TDG: variants seen among roughly 807,000 people sequenced by gnomAD.
TDG encodes the protein G/T mismatch-specific thymine DNA glycosylase.
In TDG, 23 loss-of-function variants were observed where a neutral mutation model predicts 46.1. That is an observed-to-expected ratio of 0.50 (90% CI 0.36 to 0.71). The LOEUF (loss-of-function observed/expected upper bound fraction) is 0.71, where lower values mean the gene tolerates loss of function less well. Among genes scored for constraint, TDG ranks in the 30% least tolerant of loss-of-function variants. The probability of loss-of-function intolerance (pLI) is 0.00; values close to 1 mark genes in which losing one functional copy is unlikely to be tolerated. For synonymous variants in TDG, 115 were observed against 161.3 expected (o/e 0.71, Z 2.18); for missense variants, 304 against 486.7 (o/e 0.62, Z 3.53).
chr12:103,980,828 C>T, intron 3 of TDG, 65 bp from the exon 4 acceptor site: 1 of 1,462,310 alleles, frequency 6.8e-7, no homozygotes, highest in Non-Finnish European at 9.4e-7. Flanking sequence ...ACCACTCCTC[C>T]ATAGAAACGC....
intron 1 of TDG, among the ~76,000 whole-genome samples, chr12:103,970,906 TC>T (rs1871258877): frequency 6.6e-6 from 1 of 152,074 alleles, no homozygotes; most frequent in Non-Finnish European, 1.5e-5. Context: ...ATCTAAGAAT[TC>T]AACCAACTGT....
intron 1 of TDG, among the ~76,000 whole-genome samples, chr12:103,972,520 A>G (rs1284624042): frequency 2.0e-5 from 3 of 152,214 alleles, no homozygotes; most frequent in Non-Finnish European, 4.4e-5. Context: ...GTAATCCACC[A>G]TCTTTTATTC....
At chr12:103,984,320 G>A (rs1217358761) in intron 7 of TDG, among the ~76,000 whole-genome samples, 1 of 152,142 alleles carries the variant, frequency 6.6e-6, no homozygotes, top group African/African-American at 2.4e-5. Flanking sequence ...GAGGCCGGGC[G>A]TGGTGGCTCA....
intron 1 of TDG, among the ~76,000 whole-genome samples, chr12:103,967,569 G>T (rs4135045): frequency 0.043 from 6,440 of 148,212 alleles, 243 homozygotes; most frequent in South Asian, 0.094. Flanking sequence ...CGATTCTCCC[G>T]CTGCAGCCTC....
intron 1 of TDG, among the ~76,000 whole-genome samples, chr12:103,973,790 G>A (rs1431841609): frequency 2.6e-5 from 4 of 151,962 alleles, no homozygotes; most frequent in African/African-American, 9.7e-5. Flanking sequence ...ATACTATTTT[G>A]TATTCTTTTC....
At position 103,979,882 on chromosome 12, in the gene TDG, C is replaced by T. The variant is rs763764091; in HGVS notation, c.218C>T (p.Pro73Leu). The change falls in exon 3 of 10, where the codon CCA becomes CTA. Residue 73 changes from proline to leucine, a missense_variant. Transcript: ENST00000392872. ...RKPRTTEPKQ[P>L]VEPKKPVESK... ...CCCAGAACAACAGAACCAAAACAAC[C>T]AGTGGAACCCAAAAAACCTGTTGAG... is the stretch of plus-strand genomic sequence containing the variant. The T allele has an allele frequency of 3.7e-6, 6 of 1,603,750 alleles. No homozygotes were observed. In the South Asian group the frequency reaches 5.7e-5, roughly 15 times the overall value.
At chr12:103,967,456 CTTT>C (rs35778626) in intron 1 of TDG, among the ~76,000 whole-genome samples, 6 of 121,320 alleles carry the variant, frequency 4.9e-5, no homozygotes, top group African/African-American at 9.5e-5. Flanking sequence ...AATAAATTTA[CTTT>C]TTTTTTTTTT....
chr12:103,984,888 T>C lies in TDG; in HGVS notation c.932T>C (p.Val311Ala), dbSNP rs1447039787. ...GAACGAAATATGGACGTTCAAGAGGTGCAATATACATTTGACCTACAGCTT... is the reference window on the plus strand; with the variant it reads ...GAACGAAATATGGACGTTCAAGAGGCGCAATATACATTTGACCTACAGCTT... ...GIERNMDVQE[V>A]QYTFDLQLAQ... Residue 311 changes from valine (V) to alanine (A), a missense_variant, in exon 8 of 10, where the codon GTG becomes GCG. Physicochemically the swap from Val to Ala is moderately conservative, Grantham distance 64 (BLOSUM62 0). Coordinates refer to ENST00000392872, the MANE Select transcript of TDG (RefSeq NM_003211.6). 1.2e-6 allele frequency: 2 copies of C among 1,612,888 alleles called. No individual in the cohort carries two copies. The highest frequency in any genetic ancestry group is 1.3e-5 in the African/African-American group (1 of 74,938).
intron 1 of TDG, among the ~76,000 whole-genome samples, chr12:103,976,275 C>T (rs322110): frequency 0.14 from 20,925 of 151,860 alleles, 1,591 homozygotes; most frequent in Admixed American, 0.2. Flanking sequence ...CATTGGGGCT[C>T]GCTCCTGTAG....
At chr12:103,982,316 T>C (rs777994782) in intron 4 of TDG, among the ~76,000 whole-genome samples, 1 of 152,234 alleles carries the variant, frequency 6.6e-6, no homozygotes, top group African/African-American at 2.4e-5. Flanking sequence ...ATGTTGTTAG[T>C]CTAGTGCTGT....
chr12:103,982,866 A>G lies in TDG; in HGVS notation c.546A>G (p.Pro182=), dbSNP rs1291510766. 6.2e-7 allele frequency: 1 copy of G among 1,614,044 alleles called. No homozygotes were observed. The highest frequency in any genetic ancestry group is 8.5e-7 in the Non-Finnish European group (1 of 1,180,048). ...QLNHMDDHTL[P]GKYGIGFTNM... is the part of the protein sequence containing the mutation. ...ACCATATGGATGATCACACTCTACC[A>G]GGGAAGTATGGTATTGGATTTACCA... is the stretch of plus-strand genomic sequence containing the variant. Residue 182 remains proline (P), a synonymous_variant, in exon 5 of 10, where the codon CCA becomes CCG. Coordinates refer to ENST00000392872, the MANE Select transcript of TDG (RefSeq NM_003211.6).
chr12:103,979,942 A>G lies in TDG; in HGVS notation c.278A>G (p.Glu93Gly), dbSNP rs1204354999. 2 of 1,612,284 alleles carry G rather than the reference A, an allele frequency of 1.2e-6. No individual in the cohort carries two copies. Among genetic ancestry groups the G allele is most frequent in the Non-Finnish European group, 1.7e-6 (2 of 1,179,902 alleles). The change falls in exon 3 of 10, where the codon GAA becomes GGA. Residue 93 changes from glutamate to glycine, a missense_variant. Transcript: ENST00000392872. ...TCTGGCAAGTCTGCAAAATCAAAAG[A>G]AAAACAAGAAAAAATTACAGACACA... ...KKSGKSAKSK[E>G]KQEKITDTFK...
chr12:103,966,084 C>A, intron 1 of TDG, 24 bp downstream of exon 1: 1 of 1,558,542 alleles, frequency 6.4e-7, no homozygotes, highest in East Asian at 2.4e-5. Flanking sequence ...CAGCGCCGCC[C>A]CTCCCTTGCG....
chr12:103,966,181 G>A, intron 1 of TDG, 121 bp downstream of exon 1: 1 of 1,299,826 alleles, frequency 7.7e-7, no homozygotes, highest in Non-Finnish European at 1.0e-6. Context: ...GGCCGGGGCC[G>A]CGCGTGCGCA....
chr12:103,971,815 G>A (rs573438897), intron 1 of TDG, among the ~76,000 whole-genome samples: 7 of 152,324 alleles, frequency 4.6e-5, no homozygotes, highest in African/African-American at 1.7e-4. Context: ...TCTGTTTTGA[G>A]TCTAGACAGA....
intron 2 of TDG, among the ~76,000 whole-genome samples, chr12:103,977,792 A>G (rs551540799): frequency 6.6e-6 from 1 of 152,192 alleles, no homozygotes; most frequent in Non-Finnish European, 1.5e-5. Flanking sequence ...GGCCGGGCAC[A>G]GTGGCTCATA....
At chr12:103,983,412 G>A (rs751250899) in intron 7 of TDG, 23 bp downstream of exon 7, 2 of 1,504,708 alleles carry the variant, frequency 1.3e-6, no homozygotes, top group South Asian at 1.3e-5. Context: ...AATTGAATTT[G>A]TAAATCAGCT....
rs1449372677 is a variant in TDG, at chr12:103,984,990, TATACAC to T, written c.964+74_964+79del. ...ATATACACATATATACTTACATATA[TATACAC>T]ATATACATATATACATATACACATA... is the stretch of plus-strand genomic sequence containing the variant. On this transcript the variant is annotated intron_variant, in intron 8 of 9. Coordinates refer to ENST00000392872, the MANE Select transcript of TDG (RefSeq NM_003211.6). The T allele has an allele frequency of 2.1e-5, 26 of 1,254,194 alleles. No individual in the cohort carries two copies. In the East Asian group the frequency reaches 2.7e-4, roughly 13 times the overall value. The allele number at this position is 1,254,194 out of a possible 1,614,324, so 77.7% of individuals were successfully genotyped here.
chr12:103,981,660 T>C (rs1871842187), intron 4 of TDG, among the ~76,000 whole-genome samples: 1 of 152,226 alleles, frequency 6.6e-6, no homozygotes, highest in Non-Finnish European at 1.5e-5. Flanking sequence ...CTGGTGATTA[T>C]TTTCTAGCAG....
Sources: allele counts gnomAD v4.1 joint callset (sites outside exome capture counted in the v4.1 genomes callset), GRCh38; gene constraint gnomAD v4.1.1; transcripts MANE v1.5; gene names NCBI Gene and HGNC (gene_info 2026-07-23, HGNC 2026-07-21).